Variants in SPTLC3 observed in about 807,000 individuals in gnomAD.
SPTLC3 encodes serine palmitoyltransferase long chain base subunit 3.
A neutral mutation model predicts 59.3 loss-of-function variants in SPTLC3; 36 were observed. The ratio of observed to expected loss-of-function variants is 0.61; its 90% CI spans 0.47 to 0.80. The LOEUF is 0.80. SPTLC3 is among the 30% of genes least tolerant of loss of function. The pLI is 0.00. For synonymous variants in SPTLC3, 257 were observed against 240.8 expected (o/e 1.07, Z -0.62); for missense variants, 625 against 685.1 (o/e 0.91, Z 0.98).
intron 2 of SPTLC3, among the ~76,000 whole-genome samples, chr20:13,053,428 G>T (rs1299079414): frequency 6.6e-6 from 1 of 152,196 alleles, no homozygotes; most frequent in South Asian, 2.1e-4. Flanking sequence ...ATAAATCCAT[G>T]AGGATGAGGA....
intron 10 of SPTLC3, among the ~76,000 whole-genome samples, chr20:13,155,804 C>A (rs1183625242): frequency 6.6e-6 from 1 of 152,072 alleles, no homozygotes. Context: ...CTAGCCAGGG[C>A]AACAGAGCAA....
At chr20:13,038,955 T>C (rs779372336) in intron 1 of SPTLC3, among the ~76,000 whole-genome samples, 1 of 152,102 alleles carries the variant, frequency 6.6e-6, no homozygotes, top group Non-Finnish European at 1.5e-5. Context: ...TTTTCCCATT[T>C]TTTCTGTTAT....
At chr20:13,151,575 G>GCATGA (rs1222208461) in intron 9 of SPTLC3, among the ~76,000 whole-genome samples, 1 of 152,168 alleles carries the variant, frequency 6.6e-6, no homozygotes, top group African/African-American at 2.4e-5. Flanking sequence ...AACAAGCATG[G>GCATGA]ACAATTGGGG....
At position 13,013,091 on chromosome 20, in the gene SPTLC3, C is replaced by T. The variant is rs77268193; in HGVS notation, c.117+3707C>T. 1.6e-3 allele frequency among the ~76,000 whole-genome samples: 249 copies of T among 152,280 alleles called. 1 individual carries two copies. Among genetic ancestry groups the T allele is most frequent in the African/African-American group, 5.9e-3 (246 of 41,556 alleles). ...TTTTCTCAATTCAGTGAGCCTTCAT[C>T]GCAGACAGTGAGAAGCAGTGCTGTG... is the stretch of plus-strand genomic sequence containing the variant. On this transcript the variant is annotated intron_variant, in intron 1 of 11. Transcript: ENST00000399002.
chr20:13,159,447 G>A (rs948563842), intron 10 of SPTLC3, among the ~76,000 whole-genome samples: 6 of 152,034 alleles, frequency 3.9e-5, no homozygotes, highest in African/African-American at 7.3e-5. Flanking sequence ...AATCTTTGGC[G>A]CTGCAGTGGG....
At chr20:13,048,905 C>A (rs959555736) in intron 1 of SPTLC3, 40 bp from the exon 2 acceptor site, 6 of 1,506,756 alleles carry the variant, frequency 4.0e-6, no homozygotes, top group South Asian at 2.8e-5. Flanking sequence ...ATATCTGTAA[C>A]AGGAGAATGC....
intron 6 of SPTLC3, among the ~76,000 whole-genome samples, chr20:13,094,104 G>A (rs1989327874): frequency 6.6e-6 from 1 of 152,120 alleles, no homozygotes; most frequent in Non-Finnish European, 1.5e-5. Context: ...GCAGGCAGAA[G>A]GCTATTTCTT....
chr20:13,102,858 G>A (rs533902498), intron 6 of SPTLC3, among the ~76,000 whole-genome samples: 6 of 152,202 alleles, frequency 3.9e-5, no homozygotes, highest in Non-Finnish European at 7.4e-5. Context: ...TGGTTTCTAG[G>A]TTCTGCCTGT....
rs145769888 is a variant in SPTLC3, at chr20:13,110,742, G to A, written c.932+525G>A. Reference sequence around the variant, plus strand: ...GTGCAATTCTTGTTCCAGAGCCAGCGGGTAGGAATGGGCTGATGTCTAGTC... The same window carrying A: ...GTGCAATTCTTGTTCCAGAGCCAGCAGGTAGGAATGGGCTGATGTCTAGTC... On this transcript the variant is annotated intron_variant, in intron 7 of 11. Coordinates refer to ENST00000399002, the MANE Select transcript of SPTLC3 (RefSeq NM_018327.4). Among the ~76,000 whole-genome samples the A allele has an allele frequency of 1.7e-3, 260 of 152,214 alleles. 2 individuals are homozygous for A. The highest frequency in any genetic ancestry group is 5.7e-3 in the African/African-American group (236 of 41,550).
intron 5 of SPTLC3, among the ~76,000 whole-genome samples, chr20:13,091,444 G>A (rs1358406116): frequency 2.6e-5 from 4 of 151,906 alleles, no homozygotes; most frequent in East Asian, 1.9e-4. Flanking sequence ...ATGGTGGCAC[G>A]CACCTGTAGT....
chr20:13,117,726 G>A lies in SPTLC3; in HGVS notation c.1152+1G>A, dbSNP rs1242467609. Reference sequence around the variant, plus strand: ...AGGAGGTTACATAGCTGGAAGGAAGGTAAGAGAGGGCCTGCTTGTGTCTGT... The same window carrying A: ...AGGAGGTTACATAGCTGGAAGGAAGATAAGAGAGGGCCTGCTTGTGTCTGT... On this transcript the variant is annotated splice_donor_variant, in intron 8 of 11. Coordinates refer to ENST00000399002, the MANE Select transcript of SPTLC3 (RefSeq NM_018327.4). LOFTEE classifies it high-confidence loss of function. 6.2e-7 allele frequency: 1 copy of A among 1,607,540 alleles called. No homozygotes were observed. The highest frequency in any genetic ancestry group is 2.2e-5 in the East Asian group (1 of 44,786).
At chr20:13,083,187 G>T (rs1988897293) in intron 4 of SPTLC3, among the ~76,000 whole-genome samples, 1 of 152,106 alleles carries the variant, frequency 6.6e-6, no homozygotes, top group Admixed American at 6.6e-5. Flanking sequence ...GACTTAAGTT[G>T]CAGGGTCCAG....
chr20:13,147,614 C>G (rs2038546008), intron 9 of SPTLC3, among the ~76,000 whole-genome samples: 1 of 152,158 alleles, frequency 6.6e-6, no homozygotes, highest in South Asian at 2.1e-4. Context: ...CCACTGCAGG[C>G]ATTCTTTAAT....
At chr20:13,098,014 A>G (rs1047951857) in intron 6 of SPTLC3, among the ~76,000 whole-genome samples, 2 of 152,214 alleles carry the variant, frequency 1.3e-5, no homozygotes, top group African/African-American at 4.8e-5. Context: ...TCATTTCACC[A>G]TAGTCCAGGG....
At chr20:13,116,431 A>T (rs1990554045) in intron 7 of SPTLC3, among the ~76,000 whole-genome samples, 1 of 152,178 alleles carries the variant, frequency 6.6e-6, no homozygotes, top group South Asian at 2.1e-4. Context: ...ACAGCTTGCA[A>T]AGTGTTCTGA....
At chr20:13,011,102 A>C (rs968780453) in intron 1 of SPTLC3, among the ~76,000 whole-genome samples, 2 of 152,180 alleles carry the variant, frequency 1.3e-5, no homozygotes, top group African/African-American at 4.8e-5. Flanking sequence ...TGAGAGCCTC[A>C]ATTATGGCTT....
chr20:13,041,413 T>C (rs1017894561), intron 1 of SPTLC3, among the ~76,000 whole-genome samples: 1 of 152,178 alleles, frequency 6.6e-6, no homozygotes, highest in Non-Finnish European at 1.5e-5. Flanking sequence ...GTTTCTGTTA[T>C]TACACTTTTC....
chr20:13,022,317 C>T (rs1320526199), intron 1 of SPTLC3, among the ~76,000 whole-genome samples: 2 of 152,208 alleles, frequency 1.3e-5, no homozygotes, highest in Admixed American at 6.5e-5. Flanking sequence ...TTATCTCTCA[C>T]CTAAAGTATT....
At chr20:13,040,406 T>G (rs1986927406) in intron 1 of SPTLC3, among the ~76,000 whole-genome samples, 1 of 152,204 alleles carries the variant, frequency 6.6e-6, no homozygotes, top group Non-Finnish European at 1.5e-5. Flanking sequence ...GTCTCCAGGC[T>G]GGAGTGCAGT....
Sources: allele counts gnomAD v4.1 joint callset (sites outside exome capture counted in the v4.1 genomes callset), GRCh38; gene constraint gnomAD v4.1.1; transcripts MANE v1.5; gene names NCBI Gene and HGNC (gene_info 2026-07-23, HGNC 2026-07-21).